Variants in EIF4E observed in about 807,000 individuals in gnomAD.
EIF4E encodes the protein eukaryotic translation initiation factor 4E, also known as eIF-4F 25 kDa subunit.
For synonymous variants in EIF4E, 71 were observed against 88.5 expected, an observed-to-expected ratio of 0.80 and a Z score of 1.11; for missense variants, 113 against 265.6, an observed-to-expected ratio of 0.43 and a Z score of 3.99.
At chr4:98,928,244 C>G (rs887285679) in intron 1 of EIF4E, among the ~76,000 whole-genome samples, 1 of 151,888 alleles carries the variant, frequency 6.6e-6, no homozygotes, top group Non-Finnish European at 1.5e-5. Context: ...GCCGGCAAGC[C>G]GACCGGCTAC....
At chr4:98,910,488 C>T (rs1269786407) in intron 1 of EIF4E, among the ~76,000 whole-genome samples, 1 of 151,968 alleles carries the variant, frequency 6.6e-6, no homozygotes, top group Non-Finnish European at 1.5e-5. Context: ...GTGCAGTGTC[C>T]AAAAATACTA....
chr4:98,892,336 C>CAAAAAAAAAAAAAAA (rs1724180139), intron 2 of EIF4E, among the ~76,000 whole-genome samples: 1 of 131,228 alleles, frequency 7.6e-6, no homozygotes, highest in Admixed American at 7.6e-5. Context: ...AACAAAAAAA[C>CAAAAAAAAAAAAAAA]AAACAAAAAA....
At chr4:98,904,588 T>C (rs1724786419) in intron 1 of EIF4E, among the ~76,000 whole-genome samples, 1 of 152,106 alleles carries the variant, frequency 6.6e-6, no homozygotes, top group African/African-American at 2.4e-5. Context: ...CTGGCCGACA[T>C]GGTGAAACCC....
intron 1 of EIF4E, among the ~76,000 whole-genome samples, chr4:98,921,837 G>A (rs1052986310): frequency 1.3e-5 from 2 of 152,072 alleles, no homozygotes; most frequent in Non-Finnish European, 2.9e-5. Context: ...GAAATCATAC[G>A]AACTAGCAAA....
At position 98,886,671 on chromosome 4, in the gene EIF4E, A is replaced by G. The variant is rs534240865; in HGVS notation, c.399+408T>C. ...TGAGGCTGAAATGAGCCATATAAAT[A>G]AATATCCGCACTCCAGCCTGGGCAA... On this transcript the variant is annotated intron_variant, in intron 5 of 6. Coordinates refer to ENST00000450253, the MANE Select transcript of EIF4E (RefSeq NM_001968.5). 4 of 337,122 alleles carry G rather than the reference A, an allele frequency of 1.2e-5. No homozygotes were observed. The East Asian group carries it at 3.1e-4, about 26-fold the overall frequency. 20.9% of individuals were successfully genotyped at this position (337,122 alleles called of 1,614,324 possible).
chr4:98,899,499 G>A (rs1490376971), intron 2 of EIF4E, among the ~76,000 whole-genome samples: 1 of 152,118 alleles, frequency 6.6e-6, no homozygotes, highest in Non-Finnish European at 1.5e-5. Context: ...ACAGAATAAT[G>A]TGGCAGTATC....
intron 6 of EIF4E, among the ~76,000 whole-genome samples, chr4:98,882,816 CTTAAT>C (rs1233517231): frequency 1.3e-5 from 2 of 150,716 alleles, no homozygotes; most frequent in East Asian, 1.9e-4. Flanking sequence ...GAAAAAAATT[CTTAAT>C]TTAACTCATT....
At position 98,921,330 on chromosome 4, in the gene EIF4E, AATATGTTGACATAT is replaced by A. The variant is rs1270620490; in HGVS notation, c.18+7751_18+7764del. On this transcript the variant is annotated intron_variant, in intron 1 of 6. Transcript: ENST00000450253. Reference sequence around the variant, plus strand: ...CCATAAGAAGTTTCACGGCAATACTAATATGTTGACATATATATGTAGACATATATATCAAAATT... The same window carrying A: ...CCATAAGAAGTTTCACGGCAATACTAATATGTAGACATATATATCAAAATT... 2.0e-5 allele frequency among the ~76,000 whole-genome samples: 3 copies of A among 152,194 alleles called. No homozygotes were observed. In the East Asian group the frequency reaches 5.8e-4, roughly 29 times the overall value.
intron 1 of EIF4E, chr4:98,925,879 A>G (rs1213721821): frequency 6.6e-6 from 1 of 152,072 alleles, no homozygotes; most frequent in African/African-American, 2.4e-5. Flanking sequence ...TCAAAAAAAA[A>G]TCCAGGCGAG....
At chr4:98,899,828 C>T (rs1245587230) in intron 2 of EIF4E, among the ~76,000 whole-genome samples, 1 of 151,996 alleles carries the variant, frequency 6.6e-6, no homozygotes, top group Non-Finnish European at 1.5e-5. Context: ...ATTGACTACT[C>T]TGGGGAGTGA....
intron 5 of EIF4E, chr4:98,886,460 T>A: frequency 2.2e-6 from 1 of 446,044 alleles, no homozygotes; most frequent in South Asian, 1.6e-5. Flanking sequence ...ACACCTGTAA[T>A]TCCAGCACTT....
rs1317321059 is a variant in EIF4E at position 98,929,083 on chromosome 4, G to A, written c.18+12C>T. On this transcript the variant is annotated intron_variant, in intron 1 of 6. Coordinates refer to ENST00000450253, the MANE Select transcript of EIF4E (RefSeq NM_001968.5). ...GGGACCCGTGGGGGTGGGGGCCAAA[G>A]GCAATACTCACCGGTTCGACAGTCG... 4.4e-6 allele frequency: 7 copies of A among 1,583,876 alleles called. No homozygotes were observed. Among genetic ancestry groups the A allele is most frequent in the Middle Eastern group, 3.3e-4 (2 of 6,040 alleles).
At chr4:98,917,049 T>C (rs1725406772) in intron 1 of EIF4E, among the ~76,000 whole-genome samples, 1 of 150,598 alleles carries the variant, frequency 6.6e-6, no homozygotes, top group Admixed American at 6.7e-5. Flanking sequence ...CTGCTATGAT[T>C]AAAATGCCTA....
chr4:98,909,851 T>TC, intron 1 of EIF4E: 1 of 674,996 alleles, frequency 1.5e-6, no homozygotes, highest in Non-Finnish European at 2.7e-6. Flanking sequence ...TCAGCCATGG[T>TC]CCCCCAAGCG....
chr4:98,887,221 A>G lies in EIF4E; in HGVS notation c.286-29T>C. 1.3e-6 allele frequency: 2 copies of G among 1,598,428 alleles called. No homozygotes were observed. The highest frequency in any genetic ancestry group is 1.3e-5 in the African/African-American group (1 of 74,764). ...CAGGGTTAGAAGACAACAGTATTACACAACATTGTTACCTTGACTTTGAGA... is the reference window on the plus strand; with the variant it reads ...CAGGGTTAGAAGACAACAGTATTACGCAACATTGTTACCTTGACTTTGAGA... On this transcript the variant is annotated intron_variant, in intron 4 of 6. Transcript: ENST00000450253. This position sits in a 1 kb window ranked among gnomAD's most constrained non-coding sequence, Gnocchi z 4.0.
chr4:98,922,171 C>A (rs1458001258), intron 1 of EIF4E, among the ~76,000 whole-genome samples: 7 of 152,162 alleles, frequency 4.6e-5, no homozygotes, highest in Non-Finnish European at 1.0e-4. Context: ...TGCACTTTGG[C>A]TGCTTTAATT....
chr4:98,882,745 C>G (rs1002047989), intron 6 of EIF4E, among the ~76,000 whole-genome samples: 1 of 151,162 alleles, frequency 6.6e-6, no homozygotes, highest in Non-Finnish European at 1.5e-5. Flanking sequence ...GTTTGAAAAT[C>G]TGAAGTCTTA....
rs763787000 is a variant in EIF4E, at chr4:98,887,655, T to C, written c.285+234A>G. Among the ~76,000 whole-genome samples, 17 of 152,214 alleles carry C rather than the reference T, an allele frequency of 1.1e-4. No homozygotes were observed. The highest frequency in any genetic ancestry group is 2.6e-4 in the Admixed American group (4 of 15,284). ...TATATAAAGGAAGGAGTAGACTGGA[T>C]AATCAAAGCTCTCATCAAAATCAAT... On this transcript the variant is annotated intron_variant, in intron 4 of 6. Transcript: ENST00000450253. This position sits in a 1 kb window ranked among gnomAD's most constrained non-coding sequence, Gnocchi z 4.0.
chr4:98,921,592 AT>A (rs1295797243), intron 1 of EIF4E, among the ~76,000 whole-genome samples: 2 of 152,316 alleles, frequency 1.3e-5, no homozygotes, highest in African/African-American at 2.4e-5. Context: ...ACAGAAAAAA[AT>A]ATTACAACTA....
Sources: gnomAD v4.1 joint callset for allele counts (sites outside exome capture counted in the v4.1 genomes callset) on GRCh38, gnomAD v4.1.1 for gene constraint, Gnocchi (gnomAD v3.1) non-coding constraint, MANE v1.5 for transcripts, NCBI Gene and HGNC (gene_info 2026-07-23, HGNC 2026-07-21) for gene names.